SLC35E4: variants seen among roughly 807,000 people sequenced by gnomAD.
SLC35E4 encodes solute carrier family 35, member E4.
Under a neutral mutation model 19.3 loss-of-function variants are expected in SLC35E4, and 15 were observed. That is an observed-to-expected ratio of 0.78 (90% CI 0.52 to 1.20). The LOEUF is 1.20. Among genes scored for constraint, SLC35E4 ranks in the 50% most tolerant of loss-of-function variants. SLC35E4 has a pLI of 0.00. For synonymous variants in SLC35E4, 219 were observed against 219.9 expected (o/e 1.00, Z 0.04); for missense variants, 406 against 472.3 (o/e 0.86, Z 1.30).
At chr22:30,640,110 C>T (rs1349172419) in intron 1 of SLC35E4, among the ~76,000 whole-genome samples, 1 of 152,176 alleles carries the variant, frequency 6.6e-6, no homozygotes, top group Admixed American at 6.5e-5. Context: ...CAGCTGGTCC[C>T]TCCGTTTGGG....
chr22:30,661,444 C>CTTT (rs56242112), intron 2 of SLC35E4: 42 of 136,464 alleles, frequency 3.1e-4, no homozygotes, highest in Non-Finnish European at 4.5e-4. Context: ...TTTTCTTTTT[C>CTTT]TTTTTTTTTT....
intron 2 of SLC35E4, chr22:30,654,012 C>T (rs1022735887): frequency 1.3e-5 from 2 of 152,220 alleles, no homozygotes; most frequent in Non-Finnish European, 2.9e-5. Flanking sequence ...CGGAGTCGCA[C>T]TCTGTCGCCC....
chr22:30,663,566 G>A, downstream of SLC35E4: 1 of 1,614,232 alleles, frequency 6.2e-7, no homozygotes, highest in Non-Finnish European at 8.5e-7. Flanking sequence ...GCTCCCAAAA[G>A]CCGCTGTTGG....
chr22:30,659,317 G>A (rs905710901), intron 2 of SLC35E4, among the ~76,000 whole-genome samples: 1 of 152,006 alleles, frequency 6.6e-6, no homozygotes. Flanking sequence ...CAAAGAACAA[G>A]GAAAGTCTGG....
At chr22:30,645,595 C>CAAAAA (rs1157239877) in intron 1 of SLC35E4, among the ~76,000 whole-genome samples, 6 of 82,190 alleles carry the variant, frequency 7.3e-5, no homozygotes, top group Non-Finnish European at 1.3e-4. Flanking sequence ...ACTCTGTCTC[C>CAAAAA]AAAAAAAAAA....
In SLC35E4 at chr22:30,636,262, TG is replaced by T; in HGVS notation, c.-187del. 1 of 860,008 alleles carries T rather than the reference TG, an allele frequency of 1.2e-6. No individual in the cohort carries two copies. The highest frequency in any genetic ancestry group is 1.7e-6 in the Non-Finnish European group (1 of 593,134). 53.3% of individuals were successfully genotyped at this position (860,008 alleles called of 1,614,324 possible). A position where few individuals can be genotyped will look rare whatever the true frequency, so the allele number is the denominator to read the frequency against. On this transcript the variant is annotated 5_prime_UTR_variant, in exon 1 of 2. Coordinates refer to ENST00000343605, the MANE Select transcript of SLC35E4 (RefSeq NM_001001479.4). ...GACCTTGGCTCTGCCCTGTCTGAGC[TG>T]GAAACACAGCTTAGCTTCTAGACAT...
intron 2 of SLC35E4, chr22:30,654,575 C>T (rs1418226158): frequency 1.5e-5 from 7 of 454,824 alleles, no homozygotes; most frequent in Admixed American, 1.5e-4. Flanking sequence ...CCAGAAGATG[C>T]GGCTGGGGAC....
downstream of SLC35E4, chr22:30,664,187 T>C: frequency 1.6e-6 from 1 of 613,014 alleles, no homozygotes; most frequent in East Asian, 2.8e-5. Flanking sequence ...AAGGCAGTCC[T>C]CTGACCATCA....
At chr22:30,651,647 G>A (rs1171964453), downstream of SLC35E4, among the ~76,000 whole-genome samples, 2 of 151,522 alleles carry the variant, frequency 1.3e-5, no homozygotes, top group Non-Finnish European at 2.9e-5. Context: ...AAAAATTGGA[G>A]GGGCTCAAGA....
chr22:30,646,365 G>A (rs2270013), intron 1 of SLC35E4, among the ~76,000 whole-genome samples: 102,329 of 152,116 alleles, frequency 0.67, 36,083 homozygotes, highest in African/African-American at 0.9. Flanking sequence ...TCAGGCTTAC[G>A]GAGGTTAAGT....
At chr22:30,667,084 G>C (rs998399201), downstream of SLC35E4, 2 of 152,204 alleles carry the variant, frequency 1.3e-5, no homozygotes, top group Admixed American at 1.3e-4. Flanking sequence ...TAGCAGTTCA[G>C]CTTCACCACT....
chr22:30,650,386 C>T (rs1275409048), downstream of SLC35E4, among the ~76,000 whole-genome samples: 3 of 151,966 alleles, frequency 2.0e-5, no homozygotes, highest in East Asian at 1.9e-4. Flanking sequence ...ATCCCAGCTA[C>T]TCGGAAGGCT....
chr22:30,662,631 A>T (rs1313399124), exon 3 of SLC35E4: 3 of 152,154 alleles, frequency 2.0e-5, no homozygotes, highest in Non-Finnish European at 4.4e-5. Flanking sequence ...GTTTGAGACC[A>T]GTCTGGGCGA....
chr22:30,666,397 G>A (rs574794881), downstream of SLC35E4, among the ~76,000 whole-genome samples: 5 of 152,130 alleles, frequency 3.3e-5, no homozygotes, highest in African/African-American at 4.8e-5. Context: ...GAGGCGGGCA[G>A]ATCACCTGAG....
At chr22:30,655,454 A>G (rs1415590737) in intron 2 of SLC35E4, among the ~76,000 whole-genome samples, 2 of 150,782 alleles carry the variant, frequency 1.3e-5, no homozygotes, top group African/African-American at 2.4e-5. Context: ...AAAAAGAAAA[A>G]GAAAAAAAGA....
At chr22:30,651,371 T>TTTTTTTTTTTTTGTGTG (rs1555899345), downstream of SLC35E4, among the ~76,000 whole-genome samples, 1 of 41,202 alleles carries the variant, frequency 2.4e-5, no homozygotes, top group Non-Finnish European at 4.0e-5. Flanking sequence ...TGGCTAATTT[T>TTTTTTTTTTTTTGTGTG]TGTGTGTGTG....
At chr22:30,637,628 G>A (rs188890455) in intron 1 of SLC35E4, among the ~76,000 whole-genome samples, 93 of 152,126 alleles carry the variant, frequency 6.1e-4, no homozygotes, top group East Asian at 2.1e-3. Context: ...TGTCCTCAGC[G>A]ATCTTCCCCC....
chr22:30,662,699 A>G lies in SLC35E4; in HGVS notation c.*648A>G, dbSNP rs535220293. ...AAAAAATGAGGCGGGCATGGTGGCA[A>G]ACATCTGTAGTCCCAGCCACGCAGG... On this transcript the variant is annotated 3_prime_UTR_variant, in exon 3 of 3. Transcript: ENST00000406566. 7 of 152,232 alleles carry G rather than the reference A, an allele frequency of 4.6e-5. No homozygotes were observed. In the East Asian group the frequency reaches 1.4e-3, roughly 29 times the overall value. 9.4% of individuals were successfully genotyped at this position (152,232 alleles called of 1,614,324 possible). A position where few individuals can be genotyped will look rare whatever the true frequency, so the allele number is the denominator to read the frequency against.
downstream of SLC35E4, chr22:30,664,031 C>A: frequency 6.3e-7 from 1 of 1,588,892 alleles, no homozygotes; most frequent in South Asian, 1.1e-5. Flanking sequence ...GGTCAGCAGT[C>A]AGCGAAGCAC....
Sources: gnomAD v4.1 joint callset for allele counts (sites outside exome capture counted in the v4.1 genomes callset) on GRCh38, gnomAD v4.1.1 for gene constraint, MANE v1.5 for transcripts, NCBI Gene and HGNC (gene_info 2026-07-23, HGNC 2026-07-21) for gene names.